Variants in HAS3 observed in about 807,000 individuals in gnomAD.
The protein encoded by HAS3 is hyaluronan synthase 3.
In HAS3, 27 loss-of-function variants were observed where a neutral mutation model predicts 50.3. The ratio of observed to expected loss-of-function variants is 0.54; its 90% confidence interval spans 0.40 to 0.74. The LOEUF is 0.74. HAS3 is among the 30% of genes least tolerant of loss of function. The pLI, the probability that HAS3 is intolerant of heterozygous loss-of-function variation, is 0.00. For synonymous variants in HAS3, 339 were observed against 310.9 expected (o/e 1.09, Z -0.95); for missense variants, 517 against 742.8 (o/e 0.70, Z 3.53).
rs142766358 is a variant in HAS3 at position 69,109,610 on chromosome 16, G to A, written c.215G>A (p.Arg72His). ...TTCCTGGAGCACCGGCGCATGCGACGTGCCGGCCAGGCCCTGAAGCTGCCC... is the reference window on the plus strand; with the variant it reads ...TTCCTGGAGCACCGGCGCATGCGACATGCCGGCCAGGCCCTGAAGCTGCCC... ...FAFLEHRRMR[R>H]AGQALKLPSP... Residue 72 changes from arginine to histidine, a missense_variant, in exon 2 of 4, where the codon CGT (arginine) becomes CAT (histidine). Coordinates refer to ENST00000569188, the MANE Select transcript of HAS3 (RefSeq NM_001199280.2). The surrounding 1 kb of genome is among the most constrained non-coding windows in gnomAD (Gnocchi z 5.3). The A allele has an allele frequency of 1.1e-5, 18 of 1,611,962 alleles. No individual in the cohort carries two copies. Among genetic ancestry groups the A allele is most frequent in the East Asian group, 2.2e-5 (1 of 44,876 alleles).
chr16:69,111,838 A>G (rs1961012845), intron 2 of HAS3, among the ~76,000 whole-genome samples: 1 of 152,176 alleles, frequency 6.6e-6, no homozygotes, highest in East Asian at 1.9e-4. Flanking sequence ...TTTGTCATCT[A>G]TTCCCTTCAA....
At position 69,107,338 on chromosome 16, in the gene HAS3, C is replaced by T. The variant is rs887966621; in HGVS notation, c.-1+1551C>T. ...GGTCCCGCCCAGGGAAGGAGAGGGC[C>T]GGCTACACCGGGGATGCGCCTTTGT... On this transcript the variant is annotated intron_variant, in intron 1 of 3. Coordinates refer to ENST00000569188, the MANE Select transcript of HAS3 (RefSeq NM_001199280.2). The surrounding 1 kb of genome is among the most constrained non-coding windows in gnomAD (Gnocchi z 5.5). The T allele has an allele frequency of 2.0e-6, 2 of 983,308 alleles. No individual in the cohort carries two copies. Among genetic ancestry groups the T allele is most frequent in the East Asian group, 1.1e-4 (1 of 8,808 alleles). The allele number at this position is 983,308 out of a possible 1,614,324, so 60.9% of individuals were successfully genotyped here. A position where few individuals can be genotyped will look rare whatever the true frequency, so the allele number is the denominator to read the frequency against.
In HAS3 at chr16:69,114,488, T is replaced by C; in HGVS notation, c.884T>C (p.Leu295Pro). The change falls in exon 4 of 4, where the codon CTC becomes CCC. Residue 295 changes from leucine (L) to proline (P), a missense_variant. Transcript: ENST00000569188. This position sits in a 1 kb window ranked among gnomAD's most constrained non-coding sequence, Gnocchi z 6.4. Reference protein sequence around the residue: ...GPLGMYRNSLLQQFLEDWYHQ... With the variant: ...GPLGMYRNSLPQQFLEDWYHQ... ...TTGGGCATGTACCGCAACAGCCTCC[T>C]CCAGCAGTTCCTGGAGGACTGGTAC... 6.2e-7 allele frequency: 1 copy of C among 1,614,074 alleles called. No homozygotes were observed. The highest frequency in any genetic ancestry group is 8.5e-7 in the Non-Finnish European group (1 of 1,179,982).
At chr16:69,111,166 T>TA (rs1960990019) in intron 2 of HAS3, among the ~76,000 whole-genome samples, 1 of 121,216 alleles carries the variant, frequency 8.2e-6, no homozygotes, top group Non-Finnish European at 1.8e-5. Context: ...GATTTTTTTT[T>TA]TTTTTTTTTT....
the HAS3 span, among the ~76,000 whole-genome samples, chr16:69,089,434 T>C: frequency 1.3e-5 from 2 of 152,178 alleles, no homozygotes; most frequent in Non-Finnish European, 2.9e-5. Context: ...TCTTCCCCAA[T>C]ACGCCCCTTC....
chr16:69,118,646 T>A, downstream of HAS3: 1 of 697,416 alleles, frequency 1.4e-6, no homozygotes, highest in Non-Finnish European at 2.6e-6. Context: ...AAGGGCAGGA[T>A]TATTCCCACC....
At chr16:69,110,399 C>T (rs992162846) in intron 2 of HAS3, among the ~76,000 whole-genome samples, 4 of 152,110 alleles carry the variant, frequency 2.6e-5, no homozygotes, top group South Asian at 4.1e-4. Context: ...CCACCACACC[C>T]GGCCTTATTA....
chr16:69,094,987 T>TC, the HAS3 span, among the ~76,000 whole-genome samples: 2 of 150,258 alleles, frequency 1.3e-5, no homozygotes, highest in East Asian at 3.9e-4. Flanking sequence ...TAACTTTTTT[T>TC]TTTTTTTTTT....
At chr16:69,103,801 G>A (rs1960721092), upstream of HAS3, among the ~76,000 whole-genome samples, 1 of 152,234 alleles carries the variant, frequency 6.6e-6, no homozygotes, top group Admixed American at 6.5e-5. Context: ...GGATGCTGCT[G>A]TCTGGTTTAC....
chr16:69,112,787 T>C (rs1961052147), intron 2 of HAS3, among the ~76,000 whole-genome samples: 1 of 152,108 alleles, frequency 6.6e-6, no homozygotes, highest in South Asian at 2.1e-4. Flanking sequence ...CTGGGCAGAG[T>C]TGGCCCTGGG....
chr16:69,117,301 G>C lies in HAS3; in HGVS notation c.*2035G>C. 1.0e-6 allele frequency: 1 copy of C among 985,856 alleles called. No homozygotes were observed. Among genetic ancestry groups the C allele is most frequent in the South Asian group, 4.7e-5 (1 of 21,290 alleles). The allele number at this position is 985,856 out of a possible 1,614,324, so 61.1% of individuals were successfully genotyped here. On this transcript the variant is annotated 3_prime_UTR_variant, in exon 4 of 4. Coordinates refer to ENST00000569188, the MANE Select transcript of HAS3 (RefSeq NM_001199280.2). ...GGCTCTCCTGGCTGTCCTACCATCA[G>C]CTCTGCCTTGCACTGTGGTCGTCAA...
chr16:69,100,386 T>A, the HAS3 span, among the ~76,000 whole-genome samples: 1 of 152,064 alleles, frequency 6.6e-6, no homozygotes, highest in Non-Finnish European at 1.5e-5. Context: ...TTCGCCCTCC[T>A]TAGCTTCAAG....
At chr16:69,086,522 A>ATGTGTGTGTGTGTGTG in the HAS3 span, among the ~76,000 whole-genome samples, 6 of 138,420 alleles carry the variant, frequency 4.3e-5, no homozygotes, top group Admixed American at 7.3e-5. Context: ...TTTCTATATT[A>ATGTGTGTGTGTGTGTG]TGTGTGTGTG....
In HAS3 at chr16:69,117,304, C is replaced by A; in HGVS notation, c.*2038C>A. ...TCTCCTGGCTGTCCTACCATCAGCT[C>A]TGCCTTGCACTGTGGTCGTCAACTT... is the stretch of plus-strand genomic sequence containing the variant. On this transcript the variant is annotated 3_prime_UTR_variant, in exon 4 of 4. Coordinates refer to ENST00000569188, the MANE Select transcript of HAS3 (RefSeq NM_001199280.2). The A allele has an allele frequency of 1.0e-6, 1 of 985,874 alleles. No homozygotes were observed. 61.1% of individuals were successfully genotyped at this position (985,874 alleles called of 1,614,324 possible).
chr16:69,102,813 T>G (rs1441398346), upstream of HAS3, among the ~76,000 whole-genome samples: 6 of 152,132 alleles, frequency 3.9e-5, no homozygotes, highest in African/African-American at 1.4e-4. Flanking sequence ...TAACTAGGCA[T>G]GAGATGGTCC....
chr16:69,105,450 G>C (rs1024860594), upstream of HAS3: 2 of 152,062 alleles, frequency 1.3e-5, no homozygotes, highest in Non-Finnish European at 2.9e-5. Flanking sequence ...GAATTTAGGA[G>C]GTCATGGATG....
At chr16:69,105,239 T>C (rs1428266904), upstream of HAS3, among the ~76,000 whole-genome samples, 1 of 152,034 alleles carries the variant, frequency 6.6e-6, no homozygotes, top group Non-Finnish European at 1.5e-5. Context: ...AGTTATTAAT[T>C]ATAATTTCTC....
At chr16:69,096,215 C>G in the HAS3 span, among the ~76,000 whole-genome samples, 1 of 58,110 alleles carries the variant, frequency 1.7e-5, no homozygotes, top group East Asian at 4.8e-4. Flanking sequence ...GACTCCGTCT[C>G]AAAAAAAAAA....
At chr16:69,099,476 C>T in the HAS3 span, among the ~76,000 whole-genome samples, 1 of 151,812 alleles carries the variant, frequency 6.6e-6, no homozygotes, top group Admixed American at 6.6e-5. Flanking sequence ...TACAGGTGCA[C>T]ACCACCATGC....
Sources: gnomAD v4.1 joint callset for allele counts (sites outside exome capture counted in the v4.1 genomes callset) on GRCh38, gnomAD v4.1.1 for gene constraint, Gnocchi (gnomAD v3.1) non-coding constraint, MANE v1.5 for transcripts, NCBI Gene and HGNC (gene_info 2026-07-23, HGNC 2026-07-21) for gene names.